The following NHS variants were observed in gnomAD, a reference collection of about 807,000 sequenced individuals.
NHS encodes the protein NHS actin remodeling regulator.
NHS carries 5 observed loss-of-function variants against 72.5 expected under a neutral mutation model. The observed-to-expected ratio is 0.07, with a 90% CI of 0.04 to 0.14. The LOEUF (loss-of-function observed/expected upper bound fraction) is 0.14. NHS is among the 10% of genes least tolerant of loss of function. NHS has a pLI of 1.00. For missense variants in NHS, 1,072 were observed against 1,355.7 expected (o/e 0.79, Z 3.29); for synonymous variants, 464 against 547.7 (o/e 0.85, Z 2.13).
chrX:17,429,516 G>A (rs1418570295), intron 1 of NHS, among the ~76,000 whole-genome samples: 1 of 111,070 alleles, frequency 9.0e-6, no homozygotes, highest in Non-Finnish European at 1.9e-5. Flanking sequence ...ACACATGCAC[G>A]GAATCTTTTA....
At chrX:17,594,264 C>T (rs1241048033) in intron 1 of NHS, among the ~76,000 whole-genome samples, 1 of 111,510 alleles carries the variant, frequency 9.0e-6, no homozygotes, top group African/African-American at 3.3e-5. Flanking sequence ...AAAAGCAAAA[C>T]AAAACCAAAA....
intron 1 of NHS, among the ~76,000 whole-genome samples, chrX:17,450,140 G>T (rs1338876537): frequency 2.7e-5 from 3 of 111,631 alleles, no homozygotes; most frequent in African/African-American, 9.8e-5. Flanking sequence ...CTGCCACTCT[G>T]CAAGGACCAT....
At chrX:17,621,575 A>G (rs1475076150) in intron 1 of NHS, among the ~76,000 whole-genome samples, 6 of 109,924 alleles carry the variant, frequency 5.5e-5, no homozygotes, top group Non-Finnish European at 1.2e-4. Context: ...TCAAGATGGT[A>G]AATAGTCATT....
Position 17,677,196 on chromosome X carries a change from A to G in NHS, c.566-10546A>G, listed in dbSNP as rs182101937. Among the ~76,000 whole-genome samples, 231 of 111,968 alleles carry G rather than the reference A, an allele frequency of 2.1e-3. 1 individual carries two copies. Among genetic ancestry groups the G allele is most frequent in the Middle Eastern group, 0.014 (3 of 217 alleles). ...TGAGGGCAGCCTTCTTAGTTCCCCA[A>G]TGGTGTGGTTTGTATCCATACAGCC... On this transcript the variant is annotated intron_variant, in intron 1 of 8. Coordinates refer to ENST00000676302, the MANE Select transcript of NHS (RefSeq NM_001291867.2).
At chrX:17,503,100 A>T (rs951296696) in intron 1 of NHS, among the ~76,000 whole-genome samples, 1 of 111,963 alleles carries the variant, frequency 8.9e-6, no homozygotes, top group Non-Finnish European at 1.9e-5. Context: ...AAAAATATCA[A>T]TGCATCCCTT....
At chrX:17,628,283 T>C (rs184828858) in intron 1 of NHS, among the ~76,000 whole-genome samples, 23 of 112,564 alleles carry the variant, frequency 2.0e-4, no homozygotes, top group African/African-American at 7.4e-4. Context: ...TCCCCAGCCT[T>C]GTCAGAAGGG....
At chrX:17,527,140 C>T (rs944020984) in intron 1 of NHS, among the ~76,000 whole-genome samples, 2 of 112,537 alleles carry the variant, frequency 1.8e-5, no homozygotes, top group East Asian at 2.8e-4. Flanking sequence ...CAGAGCTTGC[C>T]GGGTTCTTGC....
At chrX:17,707,464 C>CT (rs1224910239) in intron 3 of NHS, among the ~76,000 whole-genome samples, 2 of 111,965 alleles carry the variant, frequency 1.8e-5, no homozygotes, top group Admixed American at 1.9e-4. Flanking sequence ...ACAAACCTTT[C>CT]TTTTTACCAA....
chrX:17,596,418 T>C (rs1402140944), intron 1 of NHS, among the ~76,000 whole-genome samples: 8 of 112,281 alleles, frequency 7.1e-5, no homozygotes, highest in Non-Finnish European at 5.6e-5. Context: ...ACACAGAGCA[T>C]ATGGCTTGAA....
intron 1 of NHS, among the ~76,000 whole-genome samples, chrX:17,383,288 G>C (rs1260907764): frequency 2.7e-5 from 3 of 111,456 alleles, no homozygotes; most frequent in African/African-American, 9.8e-5. Context: ...CCTAGGGCTG[G>C]GGGTATGGTA....
intron 1 of NHS, among the ~76,000 whole-genome samples, chrX:17,446,658 A>C (rs1297454400): frequency 6.3e-5 from 6 of 94,802 alleles, no homozygotes; most frequent in African/African-American, 2.5e-4. Flanking sequence ...TTTTTGCCCA[A>C]AAAAAAAAAA....
chrX:17,676,835 G>A (rs1327075690), intron 1 of NHS, among the ~76,000 whole-genome samples: 3 of 112,532 alleles, frequency 2.7e-5, no homozygotes, highest in Non-Finnish European at 5.6e-5. Flanking sequence ...GAGCACAGTG[G>A]CCCTTCTGGT....
intron 1 of NHS, among the ~76,000 whole-genome samples, chrX:17,562,801 A>G (rs916953662): frequency 3.6e-5 from 4 of 111,981 alleles, no homozygotes; most frequent in African/African-American, 1.3e-4. Context: ...CTGAAAACAA[A>G]TGTTACCTAA....
intron 1 of NHS, among the ~76,000 whole-genome samples, chrX:17,563,268 C>G (rs980698529): frequency 2.8e-4 from 32 of 112,733 alleles, no homozygotes; most frequent in African/African-American, 1.0e-3. Flanking sequence ...AGGATGGGCA[C>G]TAGGTCAGGA....
At chrX:17,613,654 G>C (rs1389133897) in intron 1 of NHS, among the ~76,000 whole-genome samples, 7 of 111,590 alleles carry the variant, frequency 6.3e-5, no homozygotes, top group Non-Finnish European at 1.1e-4. Flanking sequence ...CATGTTTAGA[G>C]CACAAATCCC....
intron 1 of NHS, among the ~76,000 whole-genome samples, chrX:17,539,863 G>T (rs952168606): frequency 8.9e-6 from 1 of 112,111 alleles, no homozygotes; most frequent in Non-Finnish European, 1.9e-5. Context: ...AGAAGAGCAG[G>T]TGTGAGGTTT....
intron 1 of NHS, among the ~76,000 whole-genome samples, chrX:17,603,015 A>G (rs1008125505): frequency 2.8e-5 from 3 of 108,585 alleles, no homozygotes; most frequent in Admixed American, 9.8e-5. Flanking sequence ...TAATTTGTAA[A>G]ATTTTTCTTT....
chrX:17,417,403 G>GA (rs1210656449), intron 1 of NHS, among the ~76,000 whole-genome samples: 1 of 111,707 alleles, frequency 9.0e-6, no homozygotes, highest in African/African-American at 3.3e-5. Context: ...GATTTTATCT[G>GA]AAAAATTATT....
At position 17,726,689 on chromosome X, in the gene NHS, T is replaced by C; in HGVS notation, c.2583T>C (p.Ser861=). The change falls in exon 7 of 9, where the codon TCT becomes TCC. Residue 861 remains serine, a synonymous_variant. Coordinates refer to ENST00000676302, the MANE Select transcript of NHS (RefSeq NM_001291867.2). The stretch of plus-strand genomic sequence containing the variant: ...AACGTAGCTCATCATTGAGGAAGTC[T>C]GATGGAAACGCAGATATTTCTGAGA... The part of the protein sequence containing the change: ...PPKRSSSLRK[S]DGNADISEKK... 5.8e-6 allele frequency: 7 copies of C among 1,211,826 alleles called. No homozygotes were observed. In the South Asian group the frequency reaches 7.0e-5, roughly 12 times the overall value.
Sources: gnomAD v4.1 joint callset for allele counts (sites outside exome capture counted in the v4.1 genomes callset) on GRCh38, gnomAD v4.1.1 for gene constraint, MANE v1.5 for transcripts, NCBI Gene and HGNC (gene_info 2026-07-23, HGNC 2026-07-21) for gene names.